LOXL3: variants seen among roughly 807,000 people sequenced by gnomAD.
The protein encoded by LOXL3 is lysyl oxidase homolog 3.
Under a neutral mutation model 91.8 loss-of-function variants are expected in LOXL3, and 60 were observed. That is an observed-to-expected ratio of 0.65 (90% CI 0.53 to 0.81). LOXL3 has a LOEUF of 0.81. Among genes scored for constraint, LOXL3 ranks in the 30% least tolerant of loss-of-function variants. LOXL3 has a pLI of 0.00. For missense variants in LOXL3, 874 were observed against 1,000.4 expected (o/e 0.87, Z 1.70); for synonymous variants, 355 against 387.6 (o/e 0.92, Z 0.99).
upstream of LOXL3, chr2:74,554,936 T>C (rs1327357269): frequency 1.3e-6 from 2 of 1,513,834 alleles, no homozygotes; most frequent in South Asian, 1.2e-5. This position sits in a 1 kb window ranked among gnomAD's most constrained non-coding sequence, Gnocchi z 4.9. Flanking sequence ...CCTGTGACTT[T>C]CCCGTGAAGT....
chr2:74,535,378 G>A lies in LOXL3; in HGVS notation c.1493C>T (p.Ser498Phe). 2.5e-6 allele frequency: 4 copies of A among 1,614,066 alleles called. No homozygotes were observed. The change falls in exon 9 of 14, where the codon TCC becomes TTC. Residue 498 changes from serine to phenylalanine, a missense_variant. Ser to Phe is a radical substitution (Grantham distance 155). Transcript: ENST00000264094. This position sits in a 1 kb window ranked among gnomAD's most constrained non-coding sequence, Gnocchi z 4.2. ...GCCATGATGGGCACACTGATCCAGG[G>A]ACAGCTCAGTCCCTGTGCAGCGCAC... ...SGVRCTGTELSLDQCAHHGTH... is the reference protein window; with the variant it reads ...SGVRCTGTELFLDQCAHHGTH...
At chr2:74,545,480 C>T (rs1676539069) in intron 4 of LOXL3, among the ~76,000 whole-genome samples, 1 of 152,248 alleles carries the variant, frequency 6.6e-6, no homozygotes, top group Non-Finnish European at 1.5e-5. Context: ...TTATCCAGAT[C>T]TTCCACTATT....
chr2:74,535,564 G>A lies in LOXL3; in HGVS notation c.1416+24C>T, dbSNP rs200754175. ...ACACAGGCTTTGAGACAACAGCCTC[G>A]GCTCCCCTTTCCTTCCCACTCACCT... On this transcript the variant is annotated intron_variant, in intron 8 of 13. Coordinates refer to ENST00000264094, the MANE Select transcript of LOXL3 (RefSeq NM_032603.5). This position sits in a 1 kb window ranked among gnomAD's most constrained non-coding sequence, Gnocchi z 4.2. 34 of 1,613,052 alleles carry A rather than the reference G, an allele frequency of 2.1e-5. No homozygotes were observed. Among genetic ancestry groups the A allele is most frequent in the Admixed American group, 1.8e-4 (11 of 59,918 alleles).
intron 4 of LOXL3, among the ~76,000 whole-genome samples, chr2:74,538,691 C>T (rs902593505): frequency 1.3e-5 from 2 of 152,140 alleles, no homozygotes; most frequent in Admixed American, 6.5e-5. Context: ...CCCTCCATCT[C>T]GAGTAAGCTG....
At chr2:74,544,798 C>G (rs762009778) in intron 4 of LOXL3, among the ~76,000 whole-genome samples, 7 of 152,110 alleles carry the variant, frequency 4.6e-5, no homozygotes, top group Admixed American at 1.3e-4. Context: ...TTACAACTGT[C>G]TTGCCTATCT....
At chr2:74,534,036 G>C in intron 12 of LOXL3, 43 bp from the exon 13 acceptor site, 2 of 1,611,054 alleles carry the variant, frequency 1.2e-6, no homozygotes, top group Non-Finnish European at 1.7e-6. Flanking sequence ...GACAATCCTC[G>C]AATTCAAAGG....
In LOXL3 at chr2:74,549,805, C is replaced by T. The variant is rs1014138920; in HGVS notation, c.478-222G>A. Reference sequence around the variant, plus strand: ...CTGTGCTCCCAGAGAGGATTCAGGGCACTAGGAAGGAGGCCCTCCCTGTGC... The same window carrying T: ...CTGTGCTCCCAGAGAGGATTCAGGGTACTAGGAAGGAGGCCCTCCCTGTGC... On this transcript the variant is annotated intron_variant, in intron 3 of 13. Transcript: ENST00000264094. The surrounding 1 kb of genome is among the most constrained non-coding windows in gnomAD (Gnocchi z 5.3). 21 of 1,411,488 alleles carry T rather than the reference C, an allele frequency of 1.5e-5. No individual in the cohort carries two copies. The African/African-American group carries it at 2.7e-4, about 18-fold the overall frequency. 87.4% of individuals were successfully genotyped at this position (1,411,488 alleles called of 1,614,324 possible). A position where few individuals can be genotyped will look rare whatever the true frequency, so the allele number is the denominator to read the frequency against.
chr2:74,545,697 C>T (rs1676550213), intron 4 of LOXL3, among the ~76,000 whole-genome samples: 1 of 152,214 alleles, frequency 6.6e-6, no homozygotes. Flanking sequence ...GGCCACCACA[C>T]TCCCCTGGTT....
At chr2:74,554,979 C>T, upstream of LOXL3, 2 of 1,404,492 alleles carry the variant, frequency 1.4e-6, no homozygotes, top group Non-Finnish European at 2.0e-6. The surrounding 1 kb of genome is among the most constrained non-coding windows in gnomAD (Gnocchi z 4.9). Flanking sequence ...CGTCTGTAGT[C>T]TAGGGGTTCT....
chr2:74,537,651 A>T, intron 4 of LOXL3, among the ~76,000 whole-genome samples: 1 of 152,152 alleles, frequency 6.6e-6, no homozygotes, highest in Non-Finnish European at 1.5e-5. Flanking sequence ...GTGCTGTGTA[A>T]GTCTTTAAAA....
At chr2:74,533,747 A>G in intron 13 of LOXL3, 68 bp from the exon 14 acceptor site, 1 of 1,513,512 alleles carries the variant, frequency 6.6e-7, no homozygotes, top group Non-Finnish European at 9.2e-7. Context: ...CACTGTGGAG[A>G]AGGGTGGGTA....
At chr2:74,547,393 G>A (rs1052874569) in intron 4 of LOXL3, among the ~76,000 whole-genome samples, 14 of 152,092 alleles carry the variant, frequency 9.2e-5, no homozygotes, top group South Asian at 2.1e-4. Flanking sequence ...CTTTGTTCAC[G>A]CTATCTTCTT....
chr2:74,539,168 T>C (rs1006235902), intron 4 of LOXL3, among the ~76,000 whole-genome samples: 4 of 152,188 alleles, frequency 2.6e-5, no homozygotes, highest in African/African-American at 9.7e-5. Context: ...AGCTTGGTGA[T>C]TGGTCCGCAA....
chr2:74,539,396 T>C (rs1458717025), intron 4 of LOXL3, among the ~76,000 whole-genome samples: 1 of 151,778 alleles, frequency 6.6e-6, no homozygotes, highest in Admixed American at 6.6e-5. Context: ...AATCTAGCGA[T>C]GTCAATCCAG....
At chr2:74,550,456 A>G (rs1207834143) in intron 2 of LOXL3, 108 bp from the exon 3 acceptor site, 3 of 1,199,200 alleles carry the variant, frequency 2.5e-6, no homozygotes, top group Non-Finnish European at 3.5e-6. Context: ...GGCCATGATG[A>G]TCCCATCTTT....
chr2:74,536,897 CA>C lies in LOXL3; in HGVS notation c.723del (p.Phe241LeufsTer39). The C allele has an allele frequency of 6.2e-7, 1 of 1,614,160 alleles. No homozygotes were observed. The highest frequency in any genetic ancestry group is 1.1e-5 in the South Asian group (1 of 91,088). On this transcript the variant is annotated frameshift_variant, in exon 5 of 14. Coordinates refer to ENST00000264094, the MANE Select transcript of LOXL3 (RefSeq NM_032603.5). LOFTEE classifies it high-confidence loss of function. The surrounding 1 kb of genome is among the most constrained non-coding windows in gnomAD (Gnocchi z 4.5). Reference sequence around the variant, plus strand: ...CCCACGCACGCCACCCCATGCAGACCAAAGGAGTGTTGCTGCCGTTGGGCTA... The same window carrying C: ...CCCACGCACGCCACCCCATGCAGACCAAGGAGTGTTGCTGCCGTTGGGCTA... ...RLLAQRQQHS[F>X]GLHGVACVGT...
At position 74,533,990 on chromosome 2, in the gene LOXL3, C is replaced by T. The variant is rs1675824030; in HGVS notation, c.2080G>A (p.Val694Ile). The stretch of plus-strand genomic sequence containing the variant: ...GCTACTTCAAAGTTTGGGTTGATGA[C>T]AACCTGTGAGTGAGAAAAAGGCCAC... ...VKPGNYILQV[V>I]INPNFEVAES... Residue 694 changes from valine to isoleucine, a missense_variant, in exon 13 of 14, where the codon GTC (valine) becomes ATC (isoleucine). Val to Ile is a conservative substitution (Grantham distance 29, BLOSUM62 3). Transcript: ENST00000264094. The T allele has an allele frequency of 3.7e-6, 6 of 1,613,860 alleles. No homozygotes were observed. The highest frequency in any genetic ancestry group is 5.1e-6 in the Non-Finnish European group (6 of 1,179,804).
chr2:74,536,177 A>G lies in LOXL3; in HGVS notation c.1094-27T>C, dbSNP rs371632218. 1 of 1,612,646 alleles carries G rather than the reference A, an allele frequency of 6.2e-7. No homozygotes were observed. The highest frequency in any genetic ancestry group is 1.3e-5 in the African/African-American group (1 of 75,026). On this transcript the variant is annotated intron_variant, in intron 6 of 13. Transcript: ENST00000264094. The surrounding 1 kb of genome is among the most constrained non-coding windows in gnomAD (Gnocchi z 4.5). Reference sequence around the variant, plus strand: ...TAGGGCCAGATGGCAAAGATCAGGAAGTTGTAATTAAGCATATATTGTCTG... The same window carrying G: ...TAGGGCCAGATGGCAAAGATCAGGAGGTTGTAATTAAGCATATATTGTCTG...
intron 2 of LOXL3, among the ~76,000 whole-genome samples, chr2:74,552,065 G>C (rs1055377499): frequency 6.6e-6 from 1 of 152,186 alleles, no homozygotes; most frequent in Admixed American, 6.5e-5. Context: ...TCATACTTTT[G>C]CAGCAGAAAA....
Sources: gnomAD v4.1 joint callset for allele counts (sites outside exome capture counted in the v4.1 genomes callset) on GRCh38, gnomAD v4.1.1 for gene constraint, Gnocchi (gnomAD v3.1) non-coding constraint, MANE v1.5 for transcripts, NCBI Gene and HGNC (gene_info 2026-07-23, HGNC 2026-07-21) for gene names.